PIEZO1: variants seen among roughly 807,000 people sequenced by gnomAD.
The protein encoded by PIEZO1 is piezo-type mechanosensitive ion channel component 1.
In PIEZO1, 296 loss-of-function variants were observed where a neutral mutation model predicts 297.2. The observed-to-expected ratio is 1.00, with a 90% confidence interval of 0.91 to 1.10. The LOEUF (loss-of-function observed/expected upper bound fraction) is 1.10. Among genes scored for constraint, PIEZO1 ranks in the 50% least tolerant of loss-of-function variants. The pLI is 0.00. For missense variants in PIEZO1, 5,018 were observed against 3,455.5 expected (o/e 1.45, Z -11.34); for synonymous variants, 2,427 against 1,507.5 (o/e 1.61, Z -14.13).
rs1912062490 is a variant in PIEZO1 at position 88,716,683 on chromosome 16, C to T, written c.6802G>A (p.Ala2268Thr). The T allele has an allele frequency of 6.5e-7, 1 of 1,549,042 alleles. No individual in the cohort carries two copies. Among genetic ancestry groups the T allele is most frequent in the Non-Finnish European group, 8.7e-7 (1 of 1,146,940 alleles). Reference sequence around the variant, plus strand: ...GCCCCGGAGCTGCCCTCAATCTGCGCCGTGACGATGTCCTCAGGGCTGTAC... The same window carrying T: ...GCCCCGGAGCTGCCCTCAATCTGCGTCGTGACGATGTCCTCAGGGCTGTAC... ...SQYSPEDIVT[A>T]QIEGSSGALW... The change falls in exon 47 of 51, where the codon GCG (alanine) becomes ACG (threonine). Residue 2268 changes from alanine (A) to threonine (T), a missense_variant. Ala to Thr is a moderately conservative substitution (Grantham distance 58). Coordinates refer to ENST00000301015, the MANE Select transcript of PIEZO1 (RefSeq NM_001142864.4).
At position 88,733,909 on chromosome 16, in the gene PIEZO1, C is replaced by G. The variant is rs1255135243; in HGVS notation, c.2326G>C (p.Glu776Gln). ...GTGCTCTGCCCGCCCAACCCACCTTCAGGCACCTGCGTGGCCTGGTGGGGA... is the reference window on the plus strand; with the variant it reads ...GTGCTCTGCCCGCCCAACCCACCTTGAGGCACCTGCGTGGCCTGGTGGGGA... Reference protein sequence around the residue: ...ATPHQATQVPEGAAKWGLVAE... With the variant: ...ATPHQATQVPQGAAKWGLVAE... The change falls in exon 17 of 51, where the codon GAA becomes CAA. Residue 776 changes from glutamate (E) to glutamine (Q), a missense_variant. Physicochemically the swap from Glu to Gln is conservative, Grantham distance 29. Transcript: ENST00000301015. 1 of 1,498,832 alleles carries G rather than the reference C, an allele frequency of 6.7e-7. No individual in the cohort carries two copies. Among genetic ancestry groups the G allele is most frequent in the Admixed American group, 2.2e-5 (1 of 45,378 alleles). The allele number at this position is 1,498,832 out of a possible 1,614,324, so 92.8% of individuals were successfully genotyped here. A position where few individuals can be genotyped will look rare whatever the true frequency, so the allele number is the denominator to read the frequency against.
intron 1 of PIEZO1, among the ~76,000 whole-genome samples, chr16:88,750,545 G>A (rs932109357): frequency 1.3e-5 from 2 of 152,218 alleles, no homozygotes; most frequent in Non-Finnish European, 1.5e-5. Context: ...CCCTCATCCT[G>A]AGAGTCCGGC....
In PIEZO1 at chr16:88,727,026, A is replaced by G; in HGVS notation, c.3455+13T>C. 1 of 1,548,132 alleles carries G rather than the reference A, an allele frequency of 6.5e-7. No individual in the cohort carries two copies. The highest frequency in any genetic ancestry group is 8.7e-7 in the Non-Finnish European group (1 of 1,145,086). ...CCCAGAAGGTTCCCCGTGGAGGGTG[A>G]CGTGGAACCCACCTGCAGTGGATAA... On this transcript the variant is annotated intron_variant, in intron 24 of 50. Transcript: ENST00000301015.
chr16:88,776,359 G>A (rs2142906294), intron 1 of PIEZO1, among the ~76,000 whole-genome samples: 1 of 152,254 alleles, frequency 6.6e-6, no homozygotes, highest in African/African-American at 2.4e-5. Flanking sequence ...GCGTGAACCT[G>A]GGAGGCAGAG....
Position 88,721,798 on chromosome 16 carries a change from C to T in PIEZO1, c.5214+10G>A, listed in dbSNP as rs1438145762. ...GGCCGGGCGCCCCCTCCCCCGCGGCCTCGGCCCACCTCGGTGAAGACGATG... is the reference window on the plus strand; with the variant it reads ...GGCCGGGCGCCCCCTCCCCCGCGGCTTCGGCCCACCTCGGTGAAGACGATG... On this transcript the variant is annotated intron_variant, in intron 37 of 50. Coordinates refer to ENST00000301015, the MANE Select transcript of PIEZO1 (RefSeq NM_001142864.4). 4 of 1,540,222 alleles carry T rather than the reference C, an allele frequency of 2.6e-6. No individual in the cohort carries two copies. In the East Asian group the frequency reaches 9.8e-5, roughly 38 times the overall value.
intron 1 of PIEZO1, among the ~76,000 whole-genome samples, chr16:88,769,683 G>A (rs1597485378): frequency 2.6e-5 from 4 of 152,286 alleles, no homozygotes; most frequent in African/African-American, 9.6e-5. Flanking sequence ...AGGACCCCGG[G>A]CCTGGCTGTC....
intron 24 of PIEZO1, 22 bp downstream of exon 24, chr16:88,727,017 T>TGGA: frequency 3.9e-6 from 6 of 1,548,282 alleles, no homozygotes; most frequent in Non-Finnish European, 4.4e-6. Flanking sequence ...AGGTTCCCCG[T>TGGA]GGAGGGTGAC....
intron 2 of PIEZO1, among the ~76,000 whole-genome samples, chr16:88,747,724 A>T (rs1009425161): frequency 4.6e-5 from 7 of 152,238 alleles, no homozygotes; most frequent in African/African-American, 1.4e-4. Context: ...TCCAGGCAGC[A>T]GAGGAAATGG....
At chr16:88,745,467 G>A (rs1905990128) in intron 2 of PIEZO1, 1 of 152,326 alleles carries the variant, frequency 6.6e-6, no homozygotes, top group South Asian at 2.1e-4. Flanking sequence ...CCAGAAGAAG[G>A]TGCAGGGGGC....
chr16:88,769,668 G>A (rs918294335), intron 1 of PIEZO1, among the ~76,000 whole-genome samples: 13 of 152,222 alleles, frequency 8.5e-5, no homozygotes, highest in African/African-American at 3.1e-4. Context: ...GAGCAGAGCA[G>A]GGAGAGGACC....
At chr16:88,779,478 G>A (rs1418301478) in intron 1 of PIEZO1, among the ~76,000 whole-genome samples, 1 of 152,178 alleles carries the variant, frequency 6.6e-6, no homozygotes, top group East Asian at 1.9e-4. Flanking sequence ...TCCTTTCCTG[G>A]CTAGCTTGGG....
chr16:88,778,207 G>T (rs1907758014), intron 1 of PIEZO1, among the ~76,000 whole-genome samples: 1 of 152,162 alleles, frequency 6.6e-6, no homozygotes, highest in Non-Finnish European at 1.5e-5. Flanking sequence ...CCCCCTTCCT[G>T]CTTTTGGGGG....
intron 2 of PIEZO1, 51 bp from the exon 3 acceptor site, chr16:88,742,473 C>A (rs997774735): frequency 2.0e-6 from 3 of 1,518,366 alleles, no homozygotes; most frequent in African/African-American, 1.4e-5. Context: ...GGAGGGGCCG[C>A]AGCCCAGGCC....
At chr16:88,732,966 G>A (rs1004973655) in intron 19 of PIEZO1, 1 of 586,088 alleles carries the variant, frequency 1.7e-6, no homozygotes. Flanking sequence ...AAGGAGGGAT[G>A]TGCGAGAAGG....
chr16:88,778,742 G>C (rs1011071006), intron 1 of PIEZO1, among the ~76,000 whole-genome samples: 3 of 152,200 alleles, frequency 2.0e-5, no homozygotes, highest in Non-Finnish European at 4.4e-5. Context: ...ATGAACGTGA[G>C]CAAAAATACG....
At chr16:88,784,791 G>A (rs1404306453) in intron 1 of PIEZO1, 110 bp downstream of exon 1, 72 of 763,066 alleles carry the variant, frequency 9.4e-5, no homozygotes, top group Non-Finnish European at 1.3e-4. Flanking sequence ...GAATTTCCGC[G>A]CCCGCTCGCC....
intron 30 of PIEZO1, 77 bp from the exon 31 acceptor site, chr16:88,724,048 C>G (rs1904306561): frequency 2.3e-6 from 2 of 882,506 alleles, no homozygotes; most frequent in Non-Finnish European, 3.6e-6. Flanking sequence ...CTGCATGGGC[C>G]AAGGCCCGAG....
chr16:88,727,384 G>A (rs960576438), intron 23 of PIEZO1, among the ~76,000 whole-genome samples, 173 bp downstream of exon 23: 1 of 152,214 alleles, frequency 6.6e-6, no homozygotes, highest in Admixed American at 6.5e-5. Flanking sequence ...GGGCTGCCGT[G>A]CACACAGGCT....
chr16:88,763,364 G>A (rs1323000325), intron 1 of PIEZO1, among the ~76,000 whole-genome samples: 2 of 152,178 alleles, frequency 1.3e-5, no homozygotes, highest in Non-Finnish European at 1.5e-5. Context: ...TTCTTCTCTG[G>A]GATTCTGTCT....
Sources: allele counts gnomAD v4.1 joint callset (sites outside exome capture counted in the v4.1 genomes callset), GRCh38; gene constraint gnomAD v4.1.1; transcripts MANE v1.5; gene names NCBI Gene and HGNC (gene_info 2026-07-23, HGNC 2026-07-21).